The following DNAH14 variants were observed in gnomAD, a reference collection of about 807,000 sequenced individuals.
DNAH14 encodes axonemal beta dynein heavy chain 14.
In DNAH14, 478 loss-of-function variants were observed where a neutral mutation model predicts 520.9. The observed-to-expected ratio is 0.92, with a 90% CI of 0.85 to 0.99. The LOEUF is 0.99. DNAH14 is among the 50% of genes least tolerant of loss of function. DNAH14 has a pLI of 0.00. For missense variants in DNAH14, 4,831 were observed against 5,234.5 expected, an observed-to-expected ratio of 0.92 and a Z score of 2.38; for synonymous variants, 1,581 against 1,757.2, an observed-to-expected ratio of 0.90 and a Z score of 2.51.
chr1:225,185,561 A>G (rs1325743473), intron 37 of DNAH14, 136 bp downstream of exon 37: 2 of 893,944 alleles, frequency 2.2e-6, no homozygotes, highest in African/African-American at 1.8e-5. Flanking sequence ...GTTAAGAATC[A>G]TAATGAGTGG....
At chr1:225,357,240 T>C (rs2150518901) in intron 73 of DNAH14, among the ~76,000 whole-genome samples, 1 of 152,238 alleles carries the variant, frequency 6.6e-6, no homozygotes, top group East Asian at 1.9e-4. Context: ...TGATTTGTGG[T>C]TGCTTAGAAA....
chr1:224,938,383 A>T (rs1202185626), intron 1 of DNAH14, among the ~76,000 whole-genome samples: 1 of 152,220 alleles, frequency 6.6e-6, no homozygotes, highest in African/African-American at 2.4e-5. Flanking sequence ...GACAAAAGAT[A>T]TGAACAGACA....
chr1:225,149,491 G>A (rs1411121032), intron 31 of DNAH14, among the ~76,000 whole-genome samples: 1 of 152,030 alleles, frequency 6.6e-6, no homozygotes, highest in Non-Finnish European at 1.5e-5. Flanking sequence ...AATTTGATAG[G>A]AACAGCATTG....
intron 20 of DNAH14, among the ~76,000 whole-genome samples, chr1:225,083,114 G>GCC (rs1448412459): frequency 6.6e-6 from 1 of 151,996 alleles, no homozygotes; most frequent in African/African-American, 2.4e-5. Context: ...TGTAAGAATT[G>GCC]CCCTACCTTA....
intron 43 of DNAH14, among the ~76,000 whole-genome samples, chr1:225,249,099 G>A (rs785177): frequency 3.3e-5 from 5 of 151,968 alleles, no homozygotes; most frequent in Non-Finnish European, 4.4e-5. Flanking sequence ...AAAGCCCCTC[G>A]TAGAGCCAAT....
At chr1:225,395,046 T>C (rs2095987079) in intron 84 of DNAH14, among the ~76,000 whole-genome samples, 1 of 152,144 alleles carries the variant, frequency 6.6e-6, no homozygotes, top group Non-Finnish European at 1.5e-5. Context: ...TTTTTATCCT[T>C]TATCTCATTA....
At chr1:225,335,909 G>A (rs1304508451) in intron 66 of DNAH14, among the ~76,000 whole-genome samples, 12 of 119,980 alleles carry the variant, frequency 1.0e-4, no homozygotes, top group South Asian at 7.5e-4. Context: ...ATATATGCAT[G>A]TATGTATATA....
At chr1:225,172,070 T>C (rs931496895) in intron 36 of DNAH14, among the ~76,000 whole-genome samples, 2 of 152,116 alleles carry the variant, frequency 1.3e-5, no homozygotes, top group Non-Finnish European at 2.9e-5. Context: ...TCAACACCAC[T>C]TCATGCTAAA....
chr1:225,356,487 A>G (rs560833718), intron 73 of DNAH14, among the ~76,000 whole-genome samples: 11 of 152,308 alleles, frequency 7.2e-5, no homozygotes, highest in Admixed American at 5.9e-4. Context: ...TTTGTTATCT[A>G]TCTGACAACT....
At chr1:224,998,931 ATTG>A (rs1295365292) in intron 8 of DNAH14, among the ~76,000 whole-genome samples, 2 of 151,164 alleles carry the variant, frequency 1.3e-5, no homozygotes, top group Non-Finnish European at 1.5e-5. Flanking sequence ...TTGCAGCCCT[ATTG>A]TTTGGTGCAT....
chr1:225,290,647 G>GTATATATATATATA (rs56045354), intron 55 of DNAH14, among the ~76,000 whole-genome samples: 3 of 57,570 alleles, frequency 5.2e-5, no homozygotes, highest in Non-Finnish European at 6.3e-5. Context: ...GTGTGTGTGT[G>GTATATATATATATA]TATATATATA....
At chr1:224,956,775 G>A (rs1476767054) in intron 3 of DNAH14, among the ~76,000 whole-genome samples, 1 of 152,040 alleles carries the variant, frequency 6.6e-6, no homozygotes, top group Admixed American at 6.6e-5. Context: ...CAGAATTCTG[G>A]CCTTCATTGG....
intron 60 of DNAH14, among the ~76,000 whole-genome samples, chr1:225,316,134 C>T (rs543629533): frequency 6.6e-6 from 1 of 152,318 alleles, no homozygotes; most frequent in East Asian, 1.9e-4. Flanking sequence ...AAATTTGGGG[C>T]AGCTTTGTTT....
At chr1:225,126,368 A>G (rs2077717500) in intron 27 of DNAH14, among the ~76,000 whole-genome samples, 2 of 152,154 alleles carry the variant, frequency 1.3e-5, no homozygotes, top group African/African-American at 2.4e-5. Context: ...GCTGTTGATT[A>G]TTGCCACAAT....
chr1:225,156,643 C>A (rs1161477910), intron 34 of DNAH14, among the ~76,000 whole-genome samples: 1 of 151,154 alleles, frequency 6.6e-6, no homozygotes, highest in Non-Finnish European at 1.5e-5. Flanking sequence ...ATCTCTCTGT[C>A]TCTTATTAGG....
chr1:225,161,062 A>G (rs187263073), intron 35 of DNAH14, among the ~76,000 whole-genome samples: 2 of 152,134 alleles, frequency 1.3e-5, no homozygotes. Context: ...TAGGAATTTC[A>G]TAGTCATTTT....
At chr1:225,046,220 AT>A (rs914412574) in intron 15 of DNAH14, among the ~76,000 whole-genome samples, 2 of 151,796 alleles carry the variant, frequency 1.3e-5, no homozygotes, top group African/African-American at 4.8e-5. Context: ...TATAACAATT[AT>A]TTTCTTTTGC....
intron 69 of DNAH14, among the ~76,000 whole-genome samples, chr1:225,343,788 G>GT (rs35549016): frequency 0.44 from 59,843 of 136,214 alleles, 12,683 homozygotes; most frequent in African/African-American, 0.58. Flanking sequence ...TTCTGTATCT[G>GT]TTTTTTTTGT....
At chr1:224,944,196 A>G (rs1483776950) in intron 1 of DNAH14, among the ~76,000 whole-genome samples, 4 of 152,174 alleles carry the variant, frequency 2.6e-5, no homozygotes, top group Non-Finnish European at 4.4e-5. Flanking sequence ...GGCTGCATAT[A>G]TATTTAGGAT....
Sources: allele counts gnomAD v4.1 joint callset (sites outside exome capture counted in the v4.1 genomes callset), GRCh38; gene constraint gnomAD v4.1.1; transcripts MANE v1.5; gene names NCBI Gene and HGNC (gene_info 2026-07-23, HGNC 2026-07-21).